Variants in VTI1A observed in about 807,000 individuals in gnomAD.
The protein encoded by VTI1A is vesicle transport through interaction with t-SNAREs homolog 1A.
Under a neutral mutation model 34.9 loss-of-function variants are expected in VTI1A, and 22 were observed. That is an observed-to-expected ratio of 0.63 (90% CI 0.45 to 0.90). VTI1A has a LOEUF of 0.90. Among genes scored for constraint, VTI1A ranks in the 40% least tolerant of loss-of-function variants. The pLI, the probability that VTI1A is intolerant of heterozygous loss-of-function variation, is 0.00. For synonymous variants in VTI1A, 87 were observed against 97.3 expected, an observed-to-expected ratio of 0.89 and a Z score of 0.62; for missense variants, 268 against 275.6, an observed-to-expected ratio of 0.97 and a Z score of 0.20.
At chr10:112,546,004 G>A (rs756619033) in intron 5 of VTI1A, among the ~76,000 whole-genome samples, 1 of 139,054 alleles carries the variant, frequency 7.2e-6, no homozygotes, top group African/African-American at 3.1e-5. Flanking sequence ...GTGTATACGC[G>A]TATGTGTGTG....
At chr10:112,664,681 A>G (rs1847579740) in intron 5 of VTI1A, among the ~76,000 whole-genome samples, 1 of 152,182 alleles carries the variant, frequency 6.6e-6, no homozygotes, top group South Asian at 2.1e-4. Flanking sequence ...ACCCTTTTGC[A>G]CGTGTGTTTC....
chr10:112,541,532 CTT>C (rs1364780036), intron 5 of VTI1A, among the ~76,000 whole-genome samples: 2 of 152,104 alleles, frequency 1.3e-5, no homozygotes, highest in Admixed American at 1.3e-4. Flanking sequence ...AATCTGTAAA[CTT>C]TTCTATTCAT....
intron 5 of VTI1A, among the ~76,000 whole-genome samples, chr10:112,644,752 A>G (rs1232118213): frequency 6.6e-6 from 1 of 152,208 alleles, no homozygotes; most frequent in Non-Finnish European, 1.5e-5. Context: ...AGACATTGAC[A>G]TCAATTTTAA....
chr10:112,734,238 C>T (rs1305553745), intron 7 of VTI1A, among the ~76,000 whole-genome samples: 1 of 152,084 alleles, frequency 6.6e-6, no homozygotes, highest in Non-Finnish European at 1.5e-5. Flanking sequence ...TCTGTTCCTC[C>T]TCTCCCTTCA....
At chr10:112,707,620 C>T (rs1476175353) in intron 7 of VTI1A, among the ~76,000 whole-genome samples, 3 of 152,178 alleles carry the variant, frequency 2.0e-5, no homozygotes, top group African/African-American at 7.2e-5. Flanking sequence ...GCTTGAGTCA[C>T]CTTGCCCAGC....
At chr10:112,587,502 A>G (rs1453137379) in intron 5 of VTI1A, among the ~76,000 whole-genome samples, 2 of 152,200 alleles carry the variant, frequency 1.3e-5, no homozygotes, top group Admixed American at 1.3e-4. Context: ...TGAAGCAAAA[A>G]GGAGAGAAAG....
chr10:112,474,766 T>C (rs1006664072), intron 3 of VTI1A, among the ~76,000 whole-genome samples: 4 of 152,162 alleles, frequency 2.6e-5, no homozygotes, highest in Non-Finnish European at 5.9e-5. Context: ...CTGCATTCAG[T>C]TTCTTAAAAA....
At chr10:112,553,563 G>A (rs1851440872) in intron 5 of VTI1A, among the ~76,000 whole-genome samples, 1 of 152,194 alleles carries the variant, frequency 6.6e-6, no homozygotes, top group African/African-American at 2.4e-5. Context: ...ACTGTGTAAT[G>A]CAAGTGTCCA....
At chr10:112,530,541 C>T (rs1850381089) in intron 4 of VTI1A, among the ~76,000 whole-genome samples, 1 of 152,128 alleles carries the variant, frequency 6.6e-6, no homozygotes, top group African/African-American at 2.4e-5. Context: ...CTAATACTCT[C>T]TCAGTTTCTA....
At chr10:112,746,232 T>C (rs1850891249) in intron 7 of VTI1A, among the ~76,000 whole-genome samples, 1 of 152,252 alleles carries the variant, frequency 6.6e-6, no homozygotes, top group African/African-American at 2.4e-5. Flanking sequence ...ACCCATGTTT[T>C]AGAAACCATG....
At chr10:112,532,875 C>T (rs756707226) in intron 4 of VTI1A, among the ~76,000 whole-genome samples, 5 of 152,060 alleles carry the variant, frequency 3.3e-5, no homozygotes, top group African/African-American at 9.7e-5. Flanking sequence ...GAAATTGACT[C>T]TTACATACAC....
chr10:112,824,809 A>C, the VTI1A span: 1 of 152,264 alleles, frequency 6.6e-6, no homozygotes, highest in African/African-American at 2.4e-5. Flanking sequence ...CAAAATGGGA[A>C]AGCTGGGCTA....
chr10:112,711,426 T>A (rs1849412363), intron 7 of VTI1A, among the ~76,000 whole-genome samples: 1 of 152,260 alleles, frequency 6.6e-6, no homozygotes, highest in Admixed American at 6.5e-5. Context: ...TTGTTTAGCA[T>A]GTTTTATTTA....
chr10:112,479,321 A>T (rs1848386930), intron 3 of VTI1A, among the ~76,000 whole-genome samples: 1 of 150,836 alleles, frequency 6.6e-6, no homozygotes, highest in Admixed American at 6.6e-5. Flanking sequence ...AAGGACTTAG[A>T]CACTACCTCA....
intron 7 of VTI1A, among the ~76,000 whole-genome samples, chr10:112,727,406 C>A (rs1019747578): frequency 6.7e-6 from 1 of 148,670 alleles, no homozygotes; most frequent in African/African-American, 2.6e-5. Flanking sequence ...CACATTTATT[C>A]CCTAATGATA....
At chr10:112,796,963 A>T (rs890758329) in intron 7 of VTI1A, among the ~76,000 whole-genome samples, 2 of 152,220 alleles carry the variant, frequency 1.3e-5, no homozygotes, top group Admixed American at 1.3e-4. Flanking sequence ...CTCAAAGCAT[A>T]GCACAGGGTA....
rs377220845 is a variant in VTI1A, at chr10:112,548,802, A to G, written c.427+10472A>G. 4.9e-5 allele frequency: 73 copies of G among 1,498,232 alleles called. 1 individual carries two copies. The highest frequency in any genetic ancestry group is 2.7e-4 in the East Asian group (11 of 40,632). The allele number at this position is 1,498,232 out of a possible 1,614,324, so 92.8% of individuals were successfully genotyped here. On this transcript the variant is annotated intron_variant, in intron 5 of 7. Transcript: ENST00000393077. ...ACATGGGCTTGCCAGGAACCATACCAACAATGGCAGCATCACCAGACTTTA... is the reference window on the plus strand; with the variant it reads ...ACATGGGCTTGCCAGGAACCATACCGACAATGGCAGCATCACCAGACTTTA...
chr10:112,727,308 G>A (rs756995925), intron 7 of VTI1A, among the ~76,000 whole-genome samples: 35 of 152,100 alleles, frequency 2.3e-4, no homozygotes, highest in Non-Finnish European at 4.4e-5. Context: ...CTTCTACAAA[G>A]TATACCTAGA....
At chr10:112,561,612 G>C (rs1851727971) in intron 5 of VTI1A, among the ~76,000 whole-genome samples, 1 of 151,966 alleles carries the variant, frequency 6.6e-6, no homozygotes, top group African/African-American at 2.4e-5. Flanking sequence ...TCTGAAAACT[G>C]GTTACTTTTT....
Sources: gnomAD v4.1 joint callset for allele counts (sites outside exome capture counted in the v4.1 genomes callset) on GRCh38, gnomAD v4.1.1 for gene constraint, MANE v1.5 for transcripts, NCBI Gene and HGNC (gene_info 2026-07-23, HGNC 2026-07-21) for gene names.